The following ARVCF variants were observed in gnomAD, a reference collection of about 807,000 sequenced individuals.
ARVCF encodes the protein splicing regulator ARVCF.
Under a neutral mutation model 90.9 loss-of-function variants are expected in ARVCF, and 66 were observed. That is an observed-to-expected ratio of 0.73 (90% CI 0.60 to 0.89). The LOEUF is 0.89. Among genes scored for constraint, ARVCF ranks in the 40% least tolerant of loss-of-function variants. ARVCF has a pLI of 0.00. For synonymous variants in ARVCF, 653 were observed against 603.4 expected (o/e 1.08, Z -1.21); for missense variants, 1,469 against 1,382.3 (o/e 1.06, Z -1.00).
chr22:19,970,591 G>C lies in ARVCF; in HGVS notation c.*165C>G. The C allele has an allele frequency of 8.1e-7, 1 of 1,239,846 alleles. No homozygotes were observed. Among genetic ancestry groups the C allele is most frequent in the Middle Eastern group, 3.3e-4 (1 of 2,998 alleles). The allele number at this position is 1,239,846 out of a possible 1,614,324, so 76.8% of individuals were successfully genotyped here. ...GGTAGGATGGGGGGAGTGGGGTGGG[G>C]GGGCAGGAGGGTGTCCCCAAAGTCA... is the stretch of plus-strand genomic sequence containing the variant. On this transcript the variant is annotated 3_prime_UTR_variant, in exon 20 of 20. Coordinates refer to ENST00000263207, the MANE Select transcript of ARVCF (RefSeq NM_001670.3).
chr22:19,968,522 C>A, downstream of ARVCF: 10 of 1,612,606 alleles, frequency 6.2e-6, no homozygotes, highest in Non-Finnish European at 8.5e-6. Context: ...CCCCACCCCC[C>A]GGTCTGTTTG....
chr22:19,982,008 C>G lies in ARVCF; in HGVS notation c.294G>C (p.Glu98Asp). 4 of 1,613,104 alleles carry G rather than the reference C, an allele frequency of 2.5e-6. No homozygotes were observed. The highest frequency in any genetic ancestry group is 1.1e-5 in the South Asian group (1 of 91,088). Residue 98 changes from glutamate (E) to aspartate (D), a missense_variant, in exon 4 of 20, where the codon GAG becomes GAC. Coordinates refer to ENST00000263207, the MANE Select transcript of ARVCF (RefSeq NM_001670.3). ...DVLEETVTVE[E>D]DPGTPTSHVS... is the part of the protein sequence containing the mutation. ...CATGGGAAGTGGGTGTGCCGGGGTC[C>G]TCCTCCACCGTCACGGTCTCCTCCA... is the stretch of plus-strand genomic sequence containing the variant.
chr22:19,975,727 A>G lies in ARVCF; in HGVS notation c.1919T>C (p.Phe640Ser). ...GKKDGEMDRN[F>S]DTLDLPKRTE... ...TCGCTTGGGCAGGTCTAGCGTGTCA[A>G]AGTTCCGGTCCATCTCACCATCCTT... The change falls in exon 11 of 20, where the codon TTT becomes TCT. Residue 640 changes from phenylalanine to serine, a missense_variant. Coordinates refer to ENST00000263207, the MANE Select transcript of ARVCF (RefSeq NM_001670.3). 6.2e-7 allele frequency: 1 copy of G among 1,613,660 alleles called. No individual in the cohort carries two copies. Among genetic ancestry groups the G allele is most frequent in the African/African-American group, 1.3e-5 (1 of 75,036 alleles).
chr22:19,984,667 G>A (rs368596742), intron 3 of ARVCF, among the ~76,000 whole-genome samples: 55 of 152,142 alleles, frequency 3.6e-4, no homozygotes, highest in Non-Finnish European at 1.0e-4. Context: ...ACATCAACCC[G>A]TGTGCTCTAA....
chr22:20,007,652 T>C (rs1318141365), intron 2 of ARVCF, among the ~76,000 whole-genome samples: 1 of 152,224 alleles, frequency 6.6e-6, no homozygotes, highest in Non-Finnish European at 1.5e-5. Flanking sequence ...GGATTTGTTA[T>C]CTCGGGAGCA....
rs540746508 is a variant in ARVCF at position 19,971,254 on chromosome 22, G to A, written c.2863C>T (p.Pro955Ser). 30 of 1,555,892 alleles carry A rather than the reference G, an allele frequency of 1.9e-5. No homozygotes were observed. In the African/African-American group the frequency reaches 2.9e-4, roughly 15 times the overall value. ...RLVDAVGDAK[P>S]QPVDSWV ...TAGACCCAGGAATCAACGGGCTGAGGCTTAGCGTCCCCTACGGCGTCCACC... is the reference window on the plus strand; with the variant it reads ...TAGACCCAGGAATCAACGGGCTGAGACTTAGCGTCCCCTACGGCGTCCACC... Residue 955 changes from proline (P) to serine (S), a missense_variant, in exon 19 of 20, where the codon CCT (proline) becomes TCT (serine). Pro to Ser is a moderately conservative substitution (Grantham distance 74). Coordinates refer to ENST00000263207, the MANE Select transcript of ARVCF (RefSeq NM_001670.3).
chr22:19,967,300 C>T, downstream of ARVCF: 17 of 1,059,872 alleles, frequency 1.6e-5, no homozygotes, highest in Non-Finnish European at 2.1e-5. Flanking sequence ...CTGGCCCAGA[C>T]TGGAAGGCAG....
At chr22:20,001,778 G>C (rs566360991) in intron 2 of ARVCF, among the ~76,000 whole-genome samples, 1 of 152,096 alleles carries the variant, frequency 6.6e-6, no homozygotes, top group East Asian at 1.9e-4. Flanking sequence ...GGCAACAAAA[G>C]CAAAACTTCA....
At chr22:20,005,319 G>A (rs966632247) in intron 2 of ARVCF, among the ~76,000 whole-genome samples, 4 of 151,040 alleles carry the variant, frequency 2.6e-5, no homozygotes, top group Non-Finnish European at 5.9e-5. Flanking sequence ...TTAGGGAAGA[G>A]CAAATCAAGG....
rs761726212 is a variant in ARVCF, at chr22:19,979,820, C to T, written c.1319G>A (p.Arg440Gln). ...CAGGGCAGGCACACCACCGCAGTCC[C>T]GGATGGCGGCCTTGTTGTCAGTGTC... is the stretch of plus-strand genomic sequence containing the variant. ...GRDTDNKAAI[R>Q]DCGGVPALVR... The change falls in exon 6 of 20, where the codon CGG becomes CAG. Residue 440 changes from arginine to glutamine, a missense_variant. Transcript: ENST00000263207. 70 of 1,609,178 alleles carry T rather than the reference C, an allele frequency of 4.4e-5. No homozygotes were observed. Among genetic ancestry groups the T allele is most frequent in the Non-Finnish European group, 5.3e-5 (62 of 1,178,746 alleles).
intron 3 of ARVCF, chr22:19,983,834 T>C (rs1943626196): frequency 6.6e-6 from 1 of 152,170 alleles, no homozygotes; most frequent in African/African-American, 2.4e-5. Context: ...GAAAAAGAAA[T>C]AGACTGAGGC....
rs144610570 is a variant in ARVCF at position 19,977,690 on chromosome 22, G to C, written c.1699-104C>G. ...TGTGCATGAGGGCACCGGGAGCAAAGGAACAGGGAGTCCTCAGTGGAGGGG... is the reference window on the plus strand; with the variant it reads ...TGTGCATGAGGGCACCGGGAGCAAACGAACAGGGAGTCCTCAGTGGAGGGG... On this transcript the variant is annotated intron_variant, in intron 8 of 19. Transcript: ENST00000263207. 7,968 of 1,414,564 alleles carry C rather than the reference G, an allele frequency of 5.6e-3. 30 individuals carry two copies. The highest frequency in any genetic ancestry group is 6.7e-3 in the Non-Finnish European group (7,159 of 1,064,048). 87.6% of individuals were successfully genotyped at this position (1,414,564 alleles called of 1,614,324 possible). A position where few individuals can be genotyped will look rare whatever the true frequency, so the allele number is the denominator to read the frequency against.
intron 1 of ARVCF, among the ~76,000 whole-genome samples, chr22:20,012,162 A>G (rs1944861652): frequency 7.5e-6 from 1 of 132,498 alleles, no homozygotes; most frequent in Non-Finnish European, 1.5e-5. Context: ...CATGGGGTCC[A>G]GCCAGGCCAA....
chr22:19,977,477 G>T lies in ARVCF; in HGVS notation c.1808C>A (p.Ala603Asp), dbSNP rs748482942. 6.3e-7 allele frequency: 1 copy of T among 1,592,996 alleles called. No homozygotes were observed. Among genetic ancestry groups the T allele is most frequent in the South Asian group, 1.1e-5 (1 of 89,212 alleles). The change falls in exon 9 of 20, where the codon GCT becomes GAT. Residue 603 changes from alanine to aspartate, a missense_variant. Transcript: ENST00000263207. ...CCGCCTCCGGCGCTGGGAGCCTACA[G>T]CACTGCCCAGGGGCCCGGGCTCGGC... is the stretch of plus-strand genomic sequence containing the variant. The part of the protein sequence containing the change: ...QEAEPGPLGS[A>D]VGSQRRRRDD...
At chr22:19,991,979 C>G (rs1480490100) in intron 2 of ARVCF, among the ~76,000 whole-genome samples, 2 of 152,270 alleles carry the variant, frequency 1.3e-5, no homozygotes, top group Non-Finnish European at 2.9e-5. Context: ...GGAGGACACG[C>G]ACTGCGGGTG....
chr22:20,003,087 A>C (rs1291426435), intron 2 of ARVCF, among the ~76,000 whole-genome samples: 1 of 152,254 alleles, frequency 6.6e-6, no homozygotes, highest in Non-Finnish European at 1.5e-5. Flanking sequence ...GTAACAGACT[A>C]CCATAAAGAA....
At chr22:20,005,367 T>C (rs1373304707) in intron 2 of ARVCF, among the ~76,000 whole-genome samples, 1 of 141,632 alleles carries the variant, frequency 7.1e-6, no homozygotes, top group East Asian at 2.0e-4. Context: ...TTAGGATGGC[T>C]AGTCTAAAAA....
At chr22:19,973,979 A>C (rs991871538) in intron 12 of ARVCF, 133 bp downstream of exon 12, 6 of 1,495,312 alleles carry the variant, frequency 4.0e-6, no homozygotes, top group African/African-American at 1.4e-5. Flanking sequence ...CCCGCAGCCC[A>C]TACACCTCTT....
At chr22:19,978,320 G>A (rs947306667) in intron 7 of ARVCF, among the ~76,000 whole-genome samples, 1 of 152,002 alleles carries the variant, frequency 6.6e-6, no homozygotes, top group African/African-American at 2.4e-5. Context: ...GGAAAGACAG[G>A]GTTTCCCTGC....
Sources: allele counts gnomAD v4.1 joint callset (sites outside exome capture counted in the v4.1 genomes callset), GRCh38; gene constraint gnomAD v4.1.1; transcripts MANE v1.5; gene names NCBI Gene and HGNC (gene_info 2026-07-23, HGNC 2026-07-21).